TUFT1: variants seen among roughly 807,000 people sequenced by gnomAD.
TUFT1 encodes tuftelin.
Under a neutral mutation model 57.8 loss-of-function variants are expected in TUFT1, and 43 were observed. That is an observed-to-expected ratio of 0.74 (90% CI 0.58 to 0.96). TUFT1 has a LOEUF of 0.96. Ranked by LOEUF, TUFT1 falls within the 40% of genes least tolerant of loss-of-function variation. The pLI, the probability that TUFT1 is intolerant of heterozygous loss-of-function variation, is 0.00. For missense variants in TUFT1, 459 were observed against 489.0 expected (o/e 0.94, Z 0.58); for synonymous variants, 166 against 176.7 (o/e 0.94, Z 0.48).
chr1:151,571,259 T>C (rs1666241827), intron 7 of TUFT1, among the ~76,000 whole-genome samples: 1 of 152,210 alleles, frequency 6.6e-6, no homozygotes, highest in African/African-American at 2.4e-5. Context: ...ACTGCTTCTA[T>C]GTTAGCCGAA....
intron 9 of TUFT1, among the ~76,000 whole-genome samples, chr1:151,577,043 G>A (rs1666489956): frequency 6.6e-6 from 1 of 152,112 alleles, no homozygotes; most frequent in South Asian, 2.1e-4. Context: ...TAAAGTGCTG[G>A]GATTATATTC....
intron 9 of TUFT1, among the ~76,000 whole-genome samples, chr1:151,577,056 G>C (rs1408478052): frequency 6.6e-6 from 1 of 152,134 alleles, no homozygotes; most frequent in Non-Finnish European, 1.5e-5. Context: ...TTATATTCAT[G>C]AGCCACTGCC....
chr1:151,567,586 C>T lies in TUFT1; in HGVS notation c.480+1358C>T, dbSNP rs571814598. On this transcript the variant is annotated intron_variant, in intron 6 of 12. Transcript: ENST00000368849. The stretch of plus-strand genomic sequence containing the variant: ...TTTGAGATGGAGTCTCGCTCTGTCA[C>T]CCAGGGTACAGTGCAGTGGTATGAT... 5.9e-5 allele frequency among the ~76,000 whole-genome samples: 9 copies of T among 152,176 alleles called. No homozygotes were observed. The South Asian group carries it at 1.9e-3, about 32-fold the overall frequency.
intron 1 of TUFT1, among the ~76,000 whole-genome samples, chr1:151,556,727 T>C (rs560392275): frequency 6.6e-6 from 1 of 152,110 alleles, no homozygotes; most frequent in Non-Finnish European, 1.5e-5. Context: ...CCCAGCACTT[T>C]GGGAGACCAA....
chr1:151,574,864 A>G (rs554635797), intron 8 of TUFT1, 47 bp from the exon 9 acceptor site: 2 of 1,501,018 alleles, frequency 1.3e-6, no homozygotes, highest in Non-Finnish European at 1.8e-6. Flanking sequence ...AAACGCAGAA[A>G]CTGTTGCCAT....
chr1:151,542,712 C>T (rs12121608), intron 1 of TUFT1, among the ~76,000 whole-genome samples: 21,519 of 152,094 alleles, frequency 0.14, 1,544 homozygotes, highest in Admixed American at 0.16. Context: ...CTAGGCTGAA[C>T]TTGAGACTTA....
chr1:151,555,390 G>A (rs927377256), intron 1 of TUFT1, among the ~76,000 whole-genome samples: 2 of 149,940 alleles, frequency 1.3e-5, no homozygotes, highest in Non-Finnish European at 3.0e-5. Flanking sequence ...TTTCTGGGTG[G>A]CAGGATTATA....
intron 6 of TUFT1, among the ~76,000 whole-genome samples, 192 bp from the exon 7 acceptor site, chr1:151,569,465 G>A (rs1188074081): frequency 6.6e-6 from 1 of 152,154 alleles, no homozygotes; most frequent in Non-Finnish European, 1.5e-5. Context: ...GGGTATGAAG[G>A]GACAATGTTT....
At position 151,566,225 on chromosome 1, in the gene TUFT1, T is replaced by A. The variant is rs745809732; in HGVS notation, c.477T>A (p.Pro159=). 1.2e-6 allele frequency: 2 copies of A among 1,610,666 alleles called. No individual in the cohort carries two copies. The highest frequency in any genetic ancestry group is 2.7e-5 in the African/African-American group (2 of 74,898). The change falls in exon 6 of 13, where the codon CCT becomes CCA. Residue 159 remains proline (P), a synonymous_variant. Coordinates refer to ENST00000368849, the MANE Select transcript of TUFT1 (RefSeq NM_020127.3). ...CCACAGCCCTGTACAGCAGCCCACC[T>A]GAGGTAGGTAACAGAGGACACCATG... The part of the protein sequence containing the change: ...QSPTALYSSP[P]EVDTCINEDV...
Position 151,574,267 on chromosome 1 carries a change from T to C in TUFT1, c.595-3T>C. The C allele has an allele frequency of 6.2e-7, 1 of 1,612,966 alleles. No homozygotes were observed. The highest frequency in any genetic ancestry group is 8.5e-7 in the Non-Finnish European group (1 of 1,179,626). On this transcript the variant is annotated splice_polypyrimidine_tract_variant and splice_region_variant and intron_variant, in intron 7 of 12. Coordinates refer to ENST00000368849, the MANE Select transcript of TUFT1 (RefSeq NM_020127.3). ...TTTAACATATTCCTGCTCCGTGTTT[T>C]AGGTCACACTCAGCCGGTACCAGAG... is the stretch of plus-strand genomic sequence containing the variant.
intron 8 of TUFT1, 56 bp from the exon 9 acceptor site, chr1:151,574,855 A>C: frequency 6.8e-7 from 1 of 1,474,512 alleles, no homozygotes; most frequent in Non-Finnish European, 9.3e-7. Flanking sequence ...TCTTAGCCCA[A>C]ACGCAGAAAC....
rs1449635473 is a variant in TUFT1 at position 151,580,954 on chromosome 1, C to T, written c.1021C>T (p.His341Tyr). ...GCTTGTGTTACAGAATTTAGAGATG[C>T]ATGACCGGATGGAACACCTGATAGA... ...AYLEAENLEM[H>Y]DRMEHLIEKQ... The change falls in exon 12 of 13, where the codon CAT (histidine) becomes TAT (tyrosine). Residue 341 changes from histidine (H) to tyrosine (Y), a missense_variant. Coordinates refer to ENST00000368849, the MANE Select transcript of TUFT1 (RefSeq NM_020127.3). 1.2e-6 allele frequency: 2 copies of T among 1,614,134 alleles called. No individual in the cohort carries two copies. Among genetic ancestry groups the T allele is most frequent in the East Asian group, 2.2e-5 (1 of 44,880 alleles).
At position 151,569,757 on chromosome 1, in the gene TUFT1, G is replaced by A; in HGVS notation, c.581G>A (p.Cys194Tyr). The A allele has an allele frequency of 6.2e-7, 1 of 1,613,914 alleles. No individual in the cohort carries two copies. The highest frequency in any genetic ancestry group is 1.1e-5 in the South Asian group (1 of 91,072). The change falls in exon 7 of 13, where the codon TGT becomes TAT. Residue 194 changes from cysteine (C) to tyrosine (Y), a missense_variant. Physicochemically the swap from Cys to Tyr is radical, Grantham distance 194. Transcript: ENST00000368849. ...QEAKRQHQSD[C>Y]VAFEVTLSRY... ...GCCAAGCGGCAACACCAGTCAGACT[G>A]TGTGGCTTTTGAGGTGAGATTTGGG...
chr1:151,575,032 G>A (rs1386416979), intron 9 of TUFT1, 27 bp downstream of exon 9: 3 of 1,549,108 alleles, frequency 1.9e-6, no homozygotes, highest in Non-Finnish European at 2.6e-6. Context: ...TGTTCACGGT[G>A]AAGTTGGGTT....
At position 151,582,606 on chromosome 1, in the gene TUFT1, G is replaced by T. The variant is rs1666676419; in HGVS notation, c.*899G>T. On this transcript the variant is annotated 3_prime_UTR_variant, in exon 13 of 13. Transcript: ENST00000368849. ...TACCAAAGTTCTATAGCCTTCTCTT[G>T]CAGTATTTGGATTTGCTTGAAACCG... 6.1e-6 allele frequency: 1 copy of T among 164,596 alleles called. No homozygotes were observed. Among genetic ancestry groups the T allele is most frequent in the South Asian group, 1.7e-4 (1 of 6,040 alleles). 10.2% of individuals were successfully genotyped at this position (164,596 alleles called of 1,614,324 possible). A position where few individuals can be genotyped will look rare whatever the true frequency, so the allele number is the denominator to read the frequency against.
chr1:151,562,656 G>A lies in TUFT1; in HGVS notation c.207G>A (p.Glu69=), dbSNP rs1433070277. 1.2e-6 allele frequency: 2 copies of A among 1,613,402 alleles called. No individual in the cohort carries two copies. The highest frequency in any genetic ancestry group is 8.5e-7 in the Non-Finnish European group (1 of 1,180,006). Reference sequence around the variant, plus strand: ...ATTCTCTGGCTTCAGAACTGGTGGAGTCCCATGATGGACATGAGGAGATCA... The same window carrying A: ...ATTCTCTGGCTTCAGAACTGGTGGAATCCCATGATGGACATGAGGAGATCA... The part of the protein sequence containing the change: ...AGHSLASELV[E]SHDGHEEIIK... The change falls in exon 3 of 13, where the codon GAG becomes GAA. Residue 69 remains glutamate, a synonymous_variant. Transcript: ENST00000368849.
intron 1 of TUFT1, among the ~76,000 whole-genome samples, chr1:151,541,882 G>A (rs1164290102): frequency 3.3e-5 from 5 of 152,092 alleles, no homozygotes; most frequent in South Asian, 2.1e-4. Flanking sequence ...CTATGTTGCC[G>A]GAGCTGCAGT....
At chr1:151,570,907 A>T (rs1016836797) in intron 7 of TUFT1, among the ~76,000 whole-genome samples, 2 of 152,050 alleles carry the variant, frequency 1.3e-5, no homozygotes, top group African/African-American at 4.8e-5. Context: ...GGGTCTTGCC[A>T]TGTTGCCCAG....
Position 151,569,664 on chromosome 1 carries a change from C to G in TUFT1, c.488C>G (p.Thr163Ser), listed in dbSNP as rs59820789. Residue 163 changes from threonine (T) to serine (S), a missense_variant, in exon 7 of 13, where the codon ACC becomes AGC. Coordinates refer to ENST00000368849, the MANE Select transcript of TUFT1 (RefSeq NM_020127.3). ...ALYSSPPEVD[T>S]CINEDVESLR... ...TCCTTGTTCTGGCTGTAGGTGGACA[C>G]CTGTATAAATGAGGATGTTGAGAGC... is the stretch of plus-strand genomic sequence containing the variant. 6.2e-7 allele frequency: 1 copy of G among 1,613,622 alleles called. No homozygotes were observed. Among genetic ancestry groups the G allele is most frequent in the Non-Finnish European group, 8.5e-7 (1 of 1,179,706 alleles).
Sources: gnomAD v4.1 joint callset for allele counts (sites outside exome capture counted in the v4.1 genomes callset) on GRCh38, gnomAD v4.1.1 for gene constraint, MANE v1.5 for transcripts, NCBI Gene and HGNC (gene_info 2026-07-23, HGNC 2026-07-21) for gene names.